FIGN: variants seen among roughly 807,000 people sequenced by gnomAD.
The protein encoded by FIGN is fidgetin.
Under a neutral mutation model 51.3 loss-of-function variants are expected in FIGN, and 11 were observed. The ratio of observed to expected loss-of-function variants is 0.21; its 90% CI spans 0.13 to 0.35. The LOEUF is 0.35. Among genes scored for constraint, FIGN ranks in the 10% least tolerant of loss-of-function variants. The pLI is 1.00. For synonymous variants in FIGN, 407 were observed against 363.2 expected (o/e 1.12, Z -1.37); for missense variants, 857 against 943.6 (o/e 0.91, Z 1.20).
chr2:163,631,847 T>C (rs1399835793), intron 2 of FIGN, among the ~76,000 whole-genome samples: 1 of 152,126 alleles, frequency 6.6e-6, no homozygotes, highest in Non-Finnish European at 1.5e-5. Context: ...CACATACATA[T>C]GTCTAAATAT....
chr2:163,719,513 G>A (rs542008641), intron 2 of FIGN, among the ~76,000 whole-genome samples: 35 of 152,238 alleles, frequency 2.3e-4, no homozygotes, highest in Admixed American at 1.6e-3. Flanking sequence ...CCAAAGGAAC[G>A]CTCTAGTGCT....
At chr2:163,663,577 G>A (rs1683725827) in intron 2 of FIGN, among the ~76,000 whole-genome samples, 1 of 151,574 alleles carries the variant, frequency 6.6e-6, no homozygotes, top group African/African-American at 2.4e-5. Context: ...CAGGTGATCT[G>A]CAGTTATTTT....
intron 2 of FIGN, among the ~76,000 whole-genome samples, chr2:163,720,717 C>T (rs1684742678): frequency 6.6e-6 from 1 of 152,078 alleles, no homozygotes; most frequent in African/African-American, 2.4e-5. Context: ...CTAACTGGTC[C>T]ATTCAGAATG....
intron 2 of FIGN, among the ~76,000 whole-genome samples, chr2:163,697,308 C>A (rs939080606): frequency 6.6e-6 from 1 of 151,652 alleles, no homozygotes; most frequent in African/African-American, 2.4e-5. Context: ...GCCAAGTTGG[C>A]CAGGCTGGTC....
chr2:163,725,588 A>G (rs1367275468), intron 2 of FIGN, among the ~76,000 whole-genome samples: 1 of 152,092 alleles, frequency 6.6e-6, no homozygotes, highest in African/African-American at 2.4e-5. Flanking sequence ...TAGATTTTTT[A>G]CCCATGATTA....
chr2:163,637,461 G>A (rs1473854331), intron 2 of FIGN, among the ~76,000 whole-genome samples: 1 of 152,046 alleles, frequency 6.6e-6, no homozygotes, highest in Non-Finnish European at 1.5e-5. Context: ...GCTGACTTCT[G>A]GCATCTAAGA....
In FIGN at chr2:163,606,977, G is replaced by C. The variant is rs576659485; in HGVS notation, c.*2575C>G. 4.6e-5 allele frequency: 7 copies of C among 152,092 alleles called. No individual in the cohort carries two copies. The highest frequency in any genetic ancestry group is 1.7e-4 in the African/African-American group (7 of 41,422). The allele number at this position is 152,092 out of a possible 1,614,324, so 9.4% of individuals were successfully genotyped here. ...TCAATTTATTTTCAGTTTTATAAAT[G>C]AGTGTAAAACACAATAGTGCAGTCA... On this transcript the variant is annotated 3_prime_UTR_variant, in exon 3 of 3. Transcript: ENST00000333129.
chr2:163,610,700 G>C lies in FIGN; in HGVS notation c.1132C>G (p.Pro378Ala). 1 of 1,614,172 alleles carries C rather than the reference G, an allele frequency of 6.2e-7. No homozygotes were observed. The highest frequency in any genetic ancestry group is 8.5e-7 in the Non-Finnish European group (1 of 1,180,028). Reference protein sequence around the residue: ...SAETSSLAFKPTKQLMSSEQQ... With the variant: ...SAETSSLAFKATKQLMSSEQQ... Reference sequence around the variant, plus strand: ...TCAGAGGACATTAGCTGCTTCGTTGGCTTAAATGCTAAGGATGATGTTTCA... The same window carrying C: ...TCAGAGGACATTAGCTGCTTCGTTGCCTTAAATGCTAAGGATGATGTTTCA... Residue 378 changes from proline to alanine, a missense_variant, in exon 3 of 3, where the codon CCA (proline) becomes GCA (alanine). By Grantham distance (27) the Pro-to-Ala change is conservative (BLOSUM62 -1). Transcript: ENST00000333129.
At position 163,615,755 on chromosome 2, in the gene FIGN, TC is replaced by T. The variant is rs1019182725; in HGVS notation, c.26-3950del. On this transcript the variant is annotated intron_variant, in intron 2 of 2. Transcript: ENST00000333129. The stretch of plus-strand genomic sequence containing the variant: ...AGAAGCATGACTTTAGAACAATAAC[TC>T]CTACTGTTGTTTGGAAATAGTTTAA... Among the ~76,000 whole-genome samples the T allele has an allele frequency of 3.6e-4, 55 of 152,166 alleles. 1 individual carries two copies. The highest frequency in any genetic ancestry group is 3.6e-3 in the Admixed American group (55 of 15,272).
At chr2:163,623,134 T>C (rs1216586663) in intron 2 of FIGN, among the ~76,000 whole-genome samples, 1 of 152,110 alleles carries the variant, frequency 6.6e-6, no homozygotes, top group Non-Finnish European at 1.5e-5. Flanking sequence ...GGAAAGGCTA[T>C]AGAGAATATA....
intron 2 of FIGN, among the ~76,000 whole-genome samples, chr2:163,692,856 G>A (rs1573954360): frequency 6.6e-6 from 1 of 152,316 alleles, no homozygotes; most frequent in Non-Finnish European, 1.5e-5. Flanking sequence ...AGGGAGACAA[G>A]AAGGCAAACA....
rs908584699 is a variant in FIGN at position 163,620,205 on chromosome 2, A to G, written c.26-8399T>C. Among the ~76,000 whole-genome samples, 6 of 152,302 alleles carry G rather than the reference A, an allele frequency of 3.9e-5. No homozygotes were observed. In the South Asian group the frequency reaches 6.2e-4, roughly 16 times the overall value. On this transcript the variant is annotated intron_variant, in intron 2 of 2. Transcript: ENST00000333129. The stretch of plus-strand genomic sequence containing the variant: ...TTTATGCTACCTCTGTGAATTTTAG[A>G]CAATTTATAATCAGTTTAAATAGCA...
intron 2 of FIGN, among the ~76,000 whole-genome samples, chr2:163,709,254 G>A (rs1314110336): frequency 2.6e-5 from 4 of 152,120 alleles, no homozygotes; most frequent in African/African-American, 9.7e-5. Flanking sequence ...TGAGGTGGAA[G>A]CCTTTCTAAA....
intron 2 of FIGN, among the ~76,000 whole-genome samples, chr2:163,656,876 G>A (rs1683567235): frequency 6.6e-6 from 1 of 152,044 alleles, no homozygotes; most frequent in Non-Finnish European, 1.5e-5. Context: ...TAGAGCCCAG[G>A]AAAAATTTAA....
At chr2:163,726,318 T>C (rs1283033087) in intron 2 of FIGN, among the ~76,000 whole-genome samples, 1 of 152,054 alleles carries the variant, frequency 6.6e-6, no homozygotes, top group African/African-American at 2.4e-5. Flanking sequence ...TCTACTGGCA[T>C]AGGATACCAC....
chr2:163,617,086 C>T, intron 2 of FIGN: 1 of 984,940 alleles, frequency 1.0e-6, no homozygotes, highest in Non-Finnish European at 1.2e-6. Context: ...GAGGCCAACA[C>T]AGCATTATCT....
At chr2:163,665,979 A>G (rs562294904) in intron 2 of FIGN, among the ~76,000 whole-genome samples, 1 of 152,366 alleles carries the variant, frequency 6.6e-6, no homozygotes, top group Admixed American at 6.5e-5. Context: ...TGCATGTCAC[A>G]TGACTATGGC....
chr2:163,620,052 T>A (rs1181847979), intron 2 of FIGN, among the ~76,000 whole-genome samples: 1 of 152,172 alleles, frequency 6.6e-6, no homozygotes, highest in African/African-American at 2.4e-5. Context: ...TGCGTGTACA[T>A]GCAATTTAAA....
intron 2 of FIGN, chr2:163,612,362 C>A (rs1029948104): frequency 4.1e-6 from 4 of 985,228 alleles, no homozygotes; most frequent in Non-Finnish European, 4.8e-6. Flanking sequence ...CTAGTTAGCA[C>A]AGTATAATGC....
Sources: allele counts gnomAD v4.1 joint callset (sites outside exome capture counted in the v4.1 genomes callset), GRCh38; gene constraint gnomAD v4.1.1; transcripts MANE v1.5; gene names NCBI Gene and HGNC (gene_info 2026-07-23, HGNC 2026-07-21).